NRTN: variants seen among roughly 807,000 people sequenced by gnomAD.
NRTN encodes the protein neurturin.
NRTN carries 3 observed loss-of-function variants against 7.5 expected under a neutral mutation model. The observed-to-expected ratio is 0.40, with a 90% CI of 0.18 to 1.03. The LOEUF is 1.03. NRTN is among the 50% of genes least tolerant of loss of function. NRTN has a pLI of 0.34. For missense variants in NRTN, 310 were observed against 307.0 expected, an observed-to-expected ratio of 1.01 and a Z score of -0.07; for synonymous variants, 157 against 146.6, an observed-to-expected ratio of 1.07 and a Z score of -0.51.
intron 1 of NRTN, among the ~76,000 whole-genome samples, chr19:5,809,900 C>T (rs1023285839): frequency 2.4e-4 from 37 of 152,166 alleles, no homozygotes; most frequent in African/African-American, 7.2e-4. Context: ...TTGTGGAGTC[C>T]GGGAGAGAAC....
intron 1 of NRTN, among the ~76,000 whole-genome samples, chr19:5,809,318 A>G (rs953863535): frequency 1.3e-5 from 2 of 151,782 alleles, no homozygotes; most frequent in Non-Finnish European, 2.9e-5. Flanking sequence ...CTACAGGTAC[A>G]TGCCACCAAG....
At chr19:5,820,738 GAAAAAAAAAAAA>G (rs869276836) in intron 1 of NRTN, among the ~76,000 whole-genome samples, 1,303 of 39,106 alleles carry the variant, frequency 0.033, 30 homozygotes, top group African/African-American at 0.11. Flanking sequence ...TCTGTCTCAA[GAAAAAAAAAAAA>G]AAAAAAAAAA....
intron 1 of NRTN, among the ~76,000 whole-genome samples, chr19:5,822,401 G>A (rs949316135): frequency 2.6e-5 from 4 of 152,234 alleles, no homozygotes; most frequent in East Asian, 3.8e-4. Flanking sequence ...GCTCCACGCC[G>A]CCCCACACTA....
At position 5,817,614 on chromosome 19, in the gene NRTN, GAGAA is replaced by G. The variant is rs552967357; in HGVS notation, c.-398-6148_-398-6145del. On this transcript the variant is annotated intron_variant, in intron 1 of 2. Transcript: ENST00000303212. ...AGAGGAAGGAAGGGAGGGAGAGAGAGAGAAAGAAAAAGAAGAAGGCAGGCAGGCA... is the reference window on the plus strand; with the variant it reads ...AGAGGAAGGAAGGGAGGGAGAGAGAGAGAAAAAGAAGAAGGCAGGCAGGCA... Among the ~76,000 whole-genome samples the G allele has an allele frequency of 4.3e-3, 480 of 111,934 alleles. 9 individuals are homozygous for G. Among genetic ancestry groups the G allele is most frequent in the African/African-American group, 0.016 (436 of 26,982 alleles). 73.4% of individuals were successfully genotyped at this position (111,934 alleles called of 152,430 possible).
chr19:5,826,097 T>C (rs868242278), intron 2 of NRTN, among the ~76,000 whole-genome samples: 3 of 151,254 alleles, frequency 2.0e-5, no homozygotes, highest in South Asian at 4.2e-4. Flanking sequence ...ATCGCGCCAC[T>C]GCACTCCAGC....
Position 5,828,021 on chromosome 19 carries a change from C to T in NRTN, c.442C>T (p.Leu148=), listed in dbSNP as rs1415491689. ...CGTCTACGACCTCGGGCTGCGACGA[C>T]TGCGCCAGCGGCGGCGCCTGCGGCG... The part of the protein sequence containing the change: ...ARVYDLGLRR[L]RQRRRLRRER... Residue 148 remains leucine (L), a synonymous_variant, in exon 3 of 3, where the codon CTG becomes TTG. Transcript: ENST00000303212. 7.0e-7 allele frequency: 1 copy of T among 1,428,444 alleles called. No homozygotes were observed. Among genetic ancestry groups the T allele is most frequent in the East Asian group, 3.0e-5 (1 of 33,286 alleles). 88.5% of individuals were successfully genotyped at this position (1,428,444 alleles called of 1,614,324 possible).
At chr19:5,826,016 TC>T (rs2057044688) in intron 2 of NRTN, among the ~76,000 whole-genome samples, 1 of 151,958 alleles carries the variant, frequency 6.6e-6, no homozygotes, top group South Asian at 2.1e-4. Context: ...GCGCCTGTAG[TC>T]CCAGCTACTC....
chr19:5,825,809 C>T (rs6510859), intron 2 of NRTN, among the ~76,000 whole-genome samples: 101,386 of 152,114 alleles, frequency 0.67, 34,022 homozygotes, highest in Middle Eastern at 0.73. Flanking sequence ...GCCAGCCCCG[C>T]TGCAGGGAGG....
chr19:5,827,816 G>T lies in NRTN; in HGVS notation c.237G>T (p.Arg79=). The T allele has an allele frequency of 8.5e-7, 1 of 1,171,302 alleles. No homozygotes were observed. 72.6% of individuals were successfully genotyped at this position (1,171,302 alleles called of 1,614,324 possible). The part of the protein sequence containing the change: ...ELRELTPWAG[R]PPGPRRRAGP... ...GCGAGCTGACGCCCTGGGCTGGGCG[G>T]CCCCCAGGTCCGCGCCGTCGGGCGG... The change falls in exon 3 of 3, where the codon CGG becomes CGT. Residue 79 remains arginine (R), a synonymous_variant. Transcript: ENST00000303212.
At chr19:5,827,712 C>T in intron 2 of NRTN, 37 bp from the exon 3 acceptor site, 1 of 1,011,256 alleles carries the variant, frequency 9.9e-7, no homozygotes, top group Non-Finnish European at 1.2e-6. Context: ...CCCCTGCACC[C>T]ACTGACCCCC....
chr19:5,818,538 G>A (rs1380613370), intron 1 of NRTN, among the ~76,000 whole-genome samples: 1 of 152,158 alleles, frequency 6.6e-6, no homozygotes, highest in East Asian at 1.9e-4. Flanking sequence ...TGCTGGCAGC[G>A]TGTTCACCTG....
Position 5,827,999 on chromosome 19 carries a change from C to G in NRTN, c.420C>G (p.Val140=). ...GCGCCTGCGAGGCTGCCGCGCGCGT[C>G]TACGACCTCGGGCTGCGACGACTGC... The part of the protein sequence containing the change: ...CAGACEAAAR[V]YDLGLRRLRQ... Residue 140 remains valine (V), a synonymous_variant, in exon 3 of 3, where the codon GTC becomes GTG. Coordinates refer to ENST00000303212, the MANE Select transcript of NRTN (RefSeq NM_004558.5). The G allele has an allele frequency of 1.4e-6, 2 of 1,460,792 alleles. No homozygotes were observed. Among genetic ancestry groups the G allele is most frequent in the East Asian group, 2.9e-5 (1 of 33,924 alleles). 90.5% of individuals were successfully genotyped at this position (1,460,792 alleles called of 1,614,324 possible).
At chr19:5,821,345 C>T (rs148627501) in intron 1 of NRTN, among the ~76,000 whole-genome samples, 2,599 of 142,948 alleles carry the variant, frequency 0.018, 31 homozygotes, top group Middle Eastern at 0.088. Context: ...CATTCTGTCA[C>T]CCAGGCTGGA....
At chr19:5,810,629 G>A (rs1267670471) in intron 1 of NRTN, among the ~76,000 whole-genome samples, 3 of 151,982 alleles carry the variant, frequency 2.0e-5, no homozygotes, top group Non-Finnish European at 2.9e-5. Flanking sequence ...CAGAAAGCAC[G>A]TGGTTAAGAA....
At chr19:5,809,690 G>C (rs1364744619) in intron 1 of NRTN, among the ~76,000 whole-genome samples, 1 of 152,152 alleles carries the variant, frequency 6.6e-6, no homozygotes, top group African/African-American at 2.4e-5. Flanking sequence ...GCTGGAGGCG[G>C]AACCCAGCCG....
At chr19:5,825,861 G>T (rs2057043950) in intron 2 of NRTN, among the ~76,000 whole-genome samples, 3 of 152,230 alleles carry the variant, frequency 2.0e-5, no homozygotes, top group African/African-American at 7.2e-5. Flanking sequence ...GTTGCCAGGT[G>T]CGGTGGCTCA....
chr19:5,827,839 CG>C lies in NRTN; in HGVS notation c.264del (p.Arg90GlyfsTer23). 1 of 1,166,390 alleles carries C rather than the reference CG, an allele frequency of 8.6e-7. No individual in the cohort carries two copies. Among genetic ancestry groups the C allele is most frequent in the Non-Finnish European group, 1.1e-6 (1 of 949,580 alleles). The allele number at this position is 1,166,390 out of a possible 1,614,324, so 72.3% of individuals were successfully genotyped here. A position where few individuals can be genotyped will look rare whatever the true frequency, so the allele number is the denominator to read the frequency against. On this transcript the variant is annotated frameshift_variant, in exon 3 of 3. Coordinates refer to ENST00000303212, the MANE Select transcript of NRTN (RefSeq NM_004558.5). LOFTEE classifies it low-confidence loss of function (END_TRUNC). The part of the protein sequence containing the change: ...AGRPPGPRRR[A>X]GPRRRRARAR... ...CGGCCCCCAGGTCCGCGCCGTCGGG[CG>C]GGGCCCCGGCGGCGGCGCGCGCGTG... is the stretch of plus-strand genomic sequence containing the variant.
chr19:5,817,378 G>A (rs1238884699), intron 1 of NRTN, among the ~76,000 whole-genome samples: 3 of 147,760 alleles, frequency 2.0e-5, no homozygotes, highest in Non-Finnish European at 4.5e-5. Context: ...AGGGAAGGAA[G>A]GAGGGAGGAA....
chr19:5,810,709 G>A (rs930291185), intron 1 of NRTN, among the ~76,000 whole-genome samples: 16 of 152,008 alleles, frequency 1.1e-4, no homozygotes, highest in South Asian at 2.1e-4. Context: ...CGAGGCGGGC[G>A]GATCACGAGG....
Sources: allele counts gnomAD v4.1 joint callset (sites outside exome capture counted in the v4.1 genomes callset), GRCh38; gene constraint gnomAD v4.1.1; transcripts MANE v1.5; gene names NCBI Gene and HGNC (gene_info 2026-07-23, HGNC 2026-07-21).